The following KCNE1 variants were observed in gnomAD, a reference collection of about 807,000 sequenced individuals.
The protein encoded by KCNE1 is potassium voltage-gated channel subfamily E regulatory subunit 1.
KCNE1 carries 1 observed loss-of-function variant against 2.9 expected under a neutral mutation model. That is an observed-to-expected ratio of 0.34 (90% CI 0.12 to 1.62). The LOEUF is 1.62. KCNE1 is among the 40% of genes most tolerant of loss of function. The probability of loss-of-function intolerance (pLI) is 0.36; values close to 1 mark genes in which losing one functional copy is unlikely to be tolerated. For synonymous variants in KCNE1, 23 were observed against 65.4 expected, an observed-to-expected ratio of 0.35 and a Z score of 3.13; for missense variants, 45 against 150.5, an observed-to-expected ratio of 0.30 and a Z score of 3.67.
rs1390600520 is a variant in KCNE1, at chr21:34,449,347, C to T, written c.288G>A (p.Gln96=). Reference sequence around the variant, plus strand: ...ACCTGTAGCTCTCCAGGACCCGGGCCTGGACATAGGCCTTGTCCTTCTCTT... The same window carrying T: ...ACCTGTAGCTCTCCAGGACCCGGGCTTGGACATAGGCCTTGTCCTTCTCTT... ...AWQEKDKAYV[Q]ARVLESYRSC... is the part of the protein sequence containing the mutation. The change falls in exon 4 of 4, where the codon CAG becomes CAA. Residue 96 remains glutamine (Q), a synonymous_variant. Transcript: ENST00000399286. 1 of 1,593,714 alleles carries T rather than the reference C, an allele frequency of 6.3e-7. No individual in the cohort carries two copies. The highest frequency in any genetic ancestry group is 8.6e-7 in the Non-Finnish European group (1 of 1,166,542).
chr21:34,499,129 G>A (rs868145056), intron 2 of KCNE1, among the ~76,000 whole-genome samples: 1 of 152,186 alleles, frequency 6.6e-6, no homozygotes. Context: ...GTTCCAAGGG[G>A]TATTATGGCT....
At chr21:34,507,487 G>C (rs1227767036) in intron 2 of KCNE1, among the ~76,000 whole-genome samples, 1 of 152,170 alleles carries the variant, frequency 6.6e-6, no homozygotes, top group Non-Finnish European at 1.5e-5. Flanking sequence ...AAGCTCATCA[G>C]AACTTCTTTC....
At chr21:34,503,711 T>C (rs1227324989) in intron 2 of KCNE1, among the ~76,000 whole-genome samples, 2 of 152,234 alleles carry the variant, frequency 1.3e-5, no homozygotes, top group African/African-American at 2.4e-5. Flanking sequence ...AGACCAAATA[T>C]GTATTTCACA....
At chr21:34,507,158 T>A (rs903825981) in intron 2 of KCNE1, among the ~76,000 whole-genome samples, 2 of 151,914 alleles carry the variant, frequency 1.3e-5, no homozygotes, top group Non-Finnish European at 2.9e-5. Context: ...AGAGAAGGAA[T>A]GGGGGAAGCT....
At chr21:34,500,365 G>T (rs988098065) in intron 2 of KCNE1, among the ~76,000 whole-genome samples, 2 of 152,126 alleles carry the variant, frequency 1.3e-5, no homozygotes, top group East Asian at 1.9e-4. Flanking sequence ...TCCAACTAAG[G>T]CTGTGCAGCC....
At chr21:34,507,156 A>G (rs1983543116) in intron 2 of KCNE1, among the ~76,000 whole-genome samples, 2 of 152,090 alleles carry the variant, frequency 1.3e-5, no homozygotes, top group Admixed American at 6.5e-5. Context: ...GTAGAGAAGG[A>G]ATGGGGGAAG....
intron 2 of KCNE1, chr21:34,509,807 T>C (rs1238084280): frequency 6.6e-6 from 1 of 152,214 alleles, no homozygotes; most frequent in Admixed American, 6.5e-5. Flanking sequence ...AGGTTCATTA[T>C]TGGGGTAAAC....
At chr21:34,498,132 C>T (rs917676929) in intron 2 of KCNE1, among the ~76,000 whole-genome samples, 2 of 151,996 alleles carry the variant, frequency 1.3e-5, no homozygotes, top group African/African-American at 4.8e-5. Context: ...TCACCTTTTT[C>T]TGGTATCTCC....
intron 2 of KCNE1, among the ~76,000 whole-genome samples, chr21:34,501,436 G>A (rs980931794): frequency 6.6e-6 from 1 of 152,194 alleles, no homozygotes. Context: ...GCATGGAAGT[G>A]GGGACAGTGA....
At chr21:34,507,606 C>A (rs545119346) in intron 2 of KCNE1, among the ~76,000 whole-genome samples, 112 of 152,270 alleles carry the variant, frequency 7.4e-4, no homozygotes, top group Non-Finnish European at 7.1e-4. Flanking sequence ...GGACGGGGTA[C>A]CCCAGAATGT....
intron 2 of KCNE1, among the ~76,000 whole-genome samples, chr21:34,505,474 G>A (rs563572246): frequency 6.6e-6 from 1 of 152,022 alleles, no homozygotes; most frequent in African/African-American, 2.4e-5. Flanking sequence ...CAATGAGGGA[G>A]CAACACTTTG....
intron 2 of KCNE1, among the ~76,000 whole-genome samples, chr21:34,499,859 C>T (rs928375876): frequency 2.6e-4 from 39 of 152,294 alleles, no homozygotes; most frequent in African/African-American, 8.9e-4. Flanking sequence ...TTCCTGTGGT[C>T]GTTCTTAGAA....
intron 2 of KCNE1, chr21:34,510,552 C>T (rs1168674047): frequency 1.3e-5 from 2 of 152,684 alleles, no homozygotes; most frequent in Non-Finnish European, 2.9e-5. Context: ...CCCCAATTTC[C>T]TTCAGGCCCT....
At chr21:34,505,195 G>A (rs962902090) in intron 2 of KCNE1, among the ~76,000 whole-genome samples, 2 of 152,204 alleles carry the variant, frequency 1.3e-5, no homozygotes, top group South Asian at 2.1e-4. Context: ...GTGCAATGGC[G>A]TGATCTCGGC....
intron 2 of KCNE1, chr21:34,510,732 G>A (rs7277610): frequency 0.16 from 24,438 of 152,464 alleles, 2,089 homozygotes; most frequent in Non-Finnish European, 0.19. Context: ...TGCCCTGGCT[G>A]GTGTGCAGCC....
chr21:34,508,585 C>T (rs1326048460), intron 2 of KCNE1, among the ~76,000 whole-genome samples: 1 of 152,086 alleles, frequency 6.6e-6, no homozygotes, highest in African/African-American at 2.4e-5. Flanking sequence ...TCAGGTGATC[C>T]ACCCTCCTCG....
At chr21:34,510,197 A>G (rs1983760006) in intron 2 of KCNE1, 1 of 152,398 alleles carries the variant, frequency 6.6e-6, no homozygotes, top group African/African-American at 2.4e-5. Flanking sequence ...ACAACTCCAA[A>G]CTCACAACTT....
intron 2 of KCNE1, among the ~76,000 whole-genome samples, chr21:34,504,390 C>G (rs76811300): frequency 0.024 from 3,729 of 152,280 alleles, 141 homozygotes; most frequent in African/African-American, 0.085. Context: ...TTCATACTCT[C>G]CAGGGTGGCC....
At chr21:34,497,528 T>C (rs1982887333) in intron 2 of KCNE1, among the ~76,000 whole-genome samples, 1 of 152,224 alleles carries the variant, frequency 6.6e-6, no homozygotes, top group Admixed American at 6.5e-5. Flanking sequence ...TTCTTGCTTA[T>C]AGGGTTTCTG....
Sources: allele counts gnomAD v4.1 joint callset (sites outside exome capture counted in the v4.1 genomes callset), GRCh38; gene constraint gnomAD v4.1.1; transcripts MANE v1.5; gene names NCBI Gene and HGNC (gene_info 2026-07-23, HGNC 2026-07-21).